Variants in LEP observed in about 807,000 individuals in gnomAD.
LEP encodes leptin (murine obesity homolog).
Under a neutral mutation model 9.8 loss-of-function variants are expected in LEP, and 6 were observed. The ratio of observed to expected loss-of-function variants is 0.61; its 90% CI spans 0.34 to 1.21. The LOEUF (loss-of-function observed/expected upper bound fraction) is 1.21, where lower values mean the gene tolerates loss of function less well. LEP is among the 50% of genes most tolerant of loss of function. The pLI is 0.04. For synonymous variants in LEP, 112 were observed against 81.7 expected, an observed-to-expected ratio of 1.37 and a Z score of -2.00; for missense variants, 134 against 198.1, an observed-to-expected ratio of 0.68 and a Z score of 1.94.
chr7:128,244,361 AC>A (rs1298386125), intron 1 of LEP, among the ~76,000 whole-genome samples: 1 of 152,086 alleles, frequency 6.6e-6, no homozygotes, highest in African/African-American at 2.4e-5. Flanking sequence ...AAAGAATGTA[AC>A]CCCTGTACTC....
At chr7:128,245,502 A>G (rs1242848194) in intron 1 of LEP, among the ~76,000 whole-genome samples, 1 of 152,138 alleles carries the variant, frequency 6.6e-6, no homozygotes, top group Non-Finnish European at 1.5e-5. Context: ...TCTCATCCCC[A>G]AGTCCCTTCC....
intron 1 of LEP, among the ~76,000 whole-genome samples, chr7:128,246,221 T>G (rs1241866468): frequency 6.6e-6 from 1 of 152,002 alleles, no homozygotes; most frequent in Non-Finnish European, 1.5e-5. Flanking sequence ...GTGATGGAGC[T>G]CAAGTCTAGA....
chr7:128,246,481 G>A (rs552504144), intron 1 of LEP, among the ~76,000 whole-genome samples: 1 of 152,160 alleles, frequency 6.6e-6, no homozygotes, highest in Middle Eastern at 3.4e-3. Context: ...AAGAGATGGG[G>A]TCTTGCTGTG....
intron 2 of LEP, 143 bp from the exon 3 acceptor site, chr7:128,254,261 A>T: frequency 9.6e-7 from 1 of 1,047,000 alleles, no homozygotes; most frequent in Non-Finnish European, 1.5e-6. Context: ...TGCAGGATAC[A>T]AGGGCCTGAG....
At chr7:128,252,247 A>G in intron 2 of LEP, 85 bp downstream of exon 2, 1 of 1,484,476 alleles carries the variant, frequency 6.7e-7, no homozygotes, top group South Asian at 1.1e-5. Context: ...TAGTCCAAGA[A>G]ACATTTATTG....
intron 1 of LEP, among the ~76,000 whole-genome samples, chr7:128,246,911 G>A (rs1367822710): frequency 1.3e-5 from 2 of 152,128 alleles, no homozygotes; most frequent in East Asian, 1.9e-4. Flanking sequence ...GGGCAGCCCA[G>A]GGAGTGCAGA....
In LEP at chr7:128,252,048, G is replaced by C. The variant is rs775874401; in HGVS notation, c.30G>C (p.Leu10Phe). 8.7e-6 allele frequency: 14 copies of C among 1,614,076 alleles called. No homozygotes were observed. The highest frequency in any genetic ancestry group is 6.7e-5 in the East Asian group (3 of 44,896). The change falls in exon 2 of 3, where the codon TTG becomes TTC. Residue 10 changes from leucine (L) to phenylalanine (F), a missense_variant. Coordinates refer to ENST00000308868, the MANE Select transcript of LEP (RefSeq NM_000230.3). The stretch of plus-strand genomic sequence containing the variant: ...ATTGGGGAACCCTGTGCGGATTCTT[G>C]TGGCTTTGGCCCTATCTTTTCTATG... MHWGTLCGF[L>F]WLWPYLFYVQ...
In LEP at chr7:128,255,951, TC is replaced by T. The variant is rs1795334388; in HGVS notation, c.*1191del. ...GGTCTTTCCTATCATGGAGTGACGG[TC>T]CCACACTGGTGACTGCGATCTTCAG... is the stretch of plus-strand genomic sequence containing the variant. On this transcript the variant is annotated 3_prime_UTR_variant, in exon 3 of 3. Transcript: ENST00000308868. 1 of 152,244 alleles carries T rather than the reference TC, an allele frequency of 6.6e-6. No homozygotes were observed. The highest frequency in any genetic ancestry group is 1.5e-5 in the Non-Finnish European group (1 of 68,046). The allele number at this position is 152,244 out of a possible 1,614,324, so 9.4% of individuals were successfully genotyped here. A position where few individuals can be genotyped will look rare whatever the true frequency, so the allele number is the denominator to read the frequency against.
Position 128,255,402 on chromosome 7 carries a change from C to T in LEP, c.*639C>T, listed in dbSNP as rs1015130269. 6.5e-6 allele frequency: 1 copy of T among 153,994 alleles called. No homozygotes were observed. Among genetic ancestry groups the T allele is most frequent in the African/African-American group, 2.4e-5 (1 of 41,432 alleles). The allele number at this position is 153,994 out of a possible 1,614,324, so 9.5% of individuals were successfully genotyped here. A position where few individuals can be genotyped will look rare whatever the true frequency, so the allele number is the denominator to read the frequency against. On this transcript the variant is annotated 3_prime_UTR_variant, in exon 3 of 3. Coordinates refer to ENST00000308868, the MANE Select transcript of LEP (RefSeq NM_000230.3). ...TGAGCTGAACCCATTTTGAGTGACT[C>T]GAGGGTTGGGTTCATCTGAGCAAGA...
intron 1 of LEP, among the ~76,000 whole-genome samples, chr7:128,249,346 C>G (rs1214362332): frequency 6.6e-6 from 1 of 152,248 alleles, no homozygotes; most frequent in African/African-American, 2.4e-5. Flanking sequence ...CGAGCTCCTG[C>G]AGCTCCCTGC....
chr7:128,253,575 C>A (rs1336210925), intron 2 of LEP, among the ~76,000 whole-genome samples: 2 of 152,178 alleles, frequency 1.3e-5, no homozygotes, highest in Non-Finnish European at 2.9e-5. Context: ...TCCTTACCCC[C>A]TGCATGGAGC....
chr7:128,242,826 T>C (rs1795167290), intron 1 of LEP, among the ~76,000 whole-genome samples: 1 of 152,056 alleles, frequency 6.6e-6, no homozygotes. Context: ...ATGCAGAGCG[T>C]GGAGGTGGCC....
rs200915360 is a variant in LEP, at chr7:128,254,485, G to T, written c.226G>T (p.Asp76Tyr). The T allele has an allele frequency of 8.1e-6, 13 of 1,614,006 alleles. No individual in the cohort carries two copies. Among genetic ancestry groups the T allele is most frequent in the Admixed American group, 1.7e-5 (1 of 60,010 alleles). The change falls in exon 3 of 3, where the codon GAC becomes TAC. Residue 76 changes from aspartate (D) to tyrosine (Y), a missense_variant. By Grantham distance (160) the Asp-to-Tyr change is radical. Coordinates refer to ENST00000308868, the MANE Select transcript of LEP (RefSeq NM_000230.3). The stretch of plus-strand genomic sequence containing the variant: ...CCCCATCCTGACCTTATCCAAGATG[G>T]ACCAGACACTGGCAGTCTACCAACA... ...LHPILTLSKM[D>Y]QTLAVYQQIL...
intron 1 of LEP, among the ~76,000 whole-genome samples, chr7:128,251,535 C>T (rs1795274442): frequency 6.6e-6 from 1 of 152,180 alleles, no homozygotes; most frequent in Admixed American, 6.5e-5. Context: ...TCACGTGCAT[C>T]AGATAATTTG....
chr7:128,241,845 G>A (rs1439547410), intron 1 of LEP, among the ~76,000 whole-genome samples: 1 of 152,298 alleles, frequency 6.6e-6, no homozygotes, highest in East Asian at 1.9e-4. Context: ...GAGTAGAGGT[G>A]GGGGGAAACA....
intron 2 of LEP, among the ~76,000 whole-genome samples, chr7:128,252,441 G>T (rs1341815446): frequency 6.6e-6 from 1 of 152,166 alleles, no homozygotes; most frequent in African/African-American, 2.4e-5. Context: ...AAAAATCATA[G>T]GATTTGGGCT....
chr7:128,255,964 A>G lies in LEP; in HGVS notation c.*1201A>G, dbSNP rs963947810. On this transcript the variant is annotated 3_prime_UTR_variant, in exon 3 of 3. Transcript: ENST00000308868. ...ATGGAGTGACGGTCCCACACTGGTG[A>G]CTGCGATCTTCAGAGCAGGGGTCCT... 19 of 152,216 alleles carry G rather than the reference A, an allele frequency of 1.2e-4. No individual in the cohort carries two copies. Among genetic ancestry groups the G allele is most frequent in the African/African-American group, 4.3e-4 (18 of 41,434 alleles). The allele number at this position is 152,216 out of a possible 1,614,324, so 9.4% of individuals were successfully genotyped here.
At position 128,257,252 on chromosome 7, in the gene LEP, G is replaced by T. The variant is rs1795352108; in HGVS notation, c.*2489G>T. Reference sequence around the variant, plus strand: ...TGAAACTTCCTAAGTATAAATGGTTGTCTGTTTTTGTAACTTAAAAAAAAA... The same window carrying T: ...TGAAACTTCCTAAGTATAAATGGTTTTCTGTTTTTGTAACTTAAAAAAAAA... On this transcript the variant is annotated 3_prime_UTR_variant, in exon 3 of 3. Transcript: ENST00000308868. The T allele has an allele frequency of 6.6e-6, 1 of 150,676 alleles. No homozygotes were observed. The highest frequency in any genetic ancestry group is 1.9e-4 in the East Asian group (1 of 5,134). The allele number at this position is 150,676 out of a possible 1,614,324, so 9.3% of individuals were successfully genotyped here. A position where few individuals can be genotyped will look rare whatever the true frequency, so the allele number is the denominator to read the frequency against.
rs142904532 is a variant in LEP at position 128,252,033 on chromosome 7, C to T, written c.15C>T (p.Thr5=). 6.2e-7 allele frequency: 1 copy of T among 1,614,174 alleles called. No homozygotes were observed. The highest frequency in any genetic ancestry group is 1.1e-5 in the South Asian group (1 of 91,084). MHWG[T]LCGFLWLWPY... Reference sequence around the variant, plus strand: ...TGGGAAGGAAAATGCATTGGGGAACCCTGTGCGGATTCTTGTGGCTTTGGC... The same window carrying T: ...TGGGAAGGAAAATGCATTGGGGAACTCTGTGCGGATTCTTGTGGCTTTGGC... The change falls in exon 2 of 3, where the codon ACC becomes ACT. Residue 5 remains threonine, a synonymous_variant. Transcript: ENST00000308868.
Sources: allele counts gnomAD v4.1 joint callset (sites outside exome capture counted in the v4.1 genomes callset), GRCh38; gene constraint gnomAD v4.1.1; transcripts MANE v1.5; gene names NCBI Gene and HGNC (gene_info 2026-07-23, HGNC 2026-07-21).